Variants in WWOX observed in about 807,000 individuals in gnomAD.
WWOX encodes the protein WW domain containing oxidoreductase.
Under a neutral mutation model 46.2 loss-of-function variants are expected in WWOX, and 69 were observed. The ratio of observed to expected loss-of-function variants is 1.49; its 90% CI spans 1.23 to 1.82. The LOEUF (loss-of-function observed/expected upper bound fraction) is 1.82, where lower values mean the gene tolerates loss of function less well. WWOX is among the 40% of genes most tolerant of loss of function. The pLI, the probability that WWOX is intolerant of heterozygous loss-of-function variation, is 0.00. For missense variants in WWOX, 919 were observed against 542.6 expected, an observed-to-expected ratio of 1.69 and a Z score of -6.89; for synonymous variants, 359 against 202.6, an observed-to-expected ratio of 1.77 and a Z score of -6.56.
chr16:78,756,378 G>C (rs977707426), intron 8 of WWOX, among the ~76,000 whole-genome samples: 3 of 152,164 alleles, frequency 2.0e-5, no homozygotes, highest in Non-Finnish European at 2.9e-5. Flanking sequence ...AGGCGGTTGA[G>C]ATAGGACAGA....
At chr16:78,317,551 C>T (rs1019990396) in intron 5 of WWOX, among the ~76,000 whole-genome samples, 1 of 152,162 alleles carries the variant, frequency 6.6e-6, no homozygotes, top group African/African-American at 2.4e-5. Context: ...AGAAAAGTAC[C>T]TTACCTCCTT....
In WWOX at chr16:79,017,969, T is replaced by A. The variant is rs1408071173; in HGVS notation, c.1057-193639T>A. 2.0e-5 allele frequency among the ~76,000 whole-genome samples: 3 copies of A among 152,136 alleles called. No individual in the cohort carries two copies. The East Asian group carries it at 5.8e-4, about 29-fold the overall frequency. Reference sequence around the variant, plus strand: ...CAGGCGAAATAGAATAAAATACACATTTGCACACCACAGTATCCAAAAAGG... The same window carrying A: ...CAGGCGAAATAGAATAAAATACACAATTGCACACCACAGTATCCAAAAAGG... On this transcript the variant is annotated intron_variant, in intron 8 of 8. Transcript: ENST00000566780.
intron 4 of WWOX, among the ~76,000 whole-genome samples, chr16:78,154,483 ATCTTTTT>A (rs2034528543): frequency 4.3e-5 from 4 of 93,746 alleles, no homozygotes; most frequent in South Asian, 3.6e-4. Flanking sequence ...CCAATCCTTG[ATCTTTTT>A]TTTTTTTTTT....
At chr16:78,353,698 G>T (rs2081227733) in intron 5 of WWOX, among the ~76,000 whole-genome samples, 2 of 152,230 alleles carry the variant, frequency 1.3e-5, no homozygotes, top group Admixed American at 1.3e-4. Flanking sequence ...ACTGCAGTCT[G>T]TGGCTCACCT....
At chr16:78,811,226 G>A (rs1417451780) in intron 8 of WWOX, among the ~76,000 whole-genome samples, 4 of 152,144 alleles carry the variant, frequency 2.6e-5, no homozygotes, top group African/African-American at 9.7e-5. Flanking sequence ...TATACACATG[G>A]TCACTCACAT....
intron 8 of WWOX, among the ~76,000 whole-genome samples, chr16:78,517,535 A>T (rs532075105): frequency 2.0e-5 from 3 of 152,210 alleles, no homozygotes; most frequent in African/African-American, 4.8e-5. Context: ...GTGGGATTCA[A>T]CAGGGGATAC....
At chr16:78,668,836 G>C (rs1246834087) in intron 8 of WWOX, among the ~76,000 whole-genome samples, 2 of 152,190 alleles carry the variant, frequency 1.3e-5, no homozygotes, top group Non-Finnish European at 2.9e-5. Flanking sequence ...GCGTGTCTGA[G>C]TCTTCCTGAT....
intron 8 of WWOX, among the ~76,000 whole-genome samples, chr16:78,844,906 G>T (rs1014663039): frequency 6.6e-6 from 1 of 152,176 alleles, no homozygotes; most frequent in African/African-American, 2.4e-5. Context: ...GCTAGTGGTT[G>T]CTGACTCTCA....
intron 5 of WWOX, among the ~76,000 whole-genome samples, chr16:78,218,970 T>C (rs1486614870): frequency 6.6e-6 from 1 of 152,248 alleles, no homozygotes; most frequent in Non-Finnish European, 1.5e-5. Flanking sequence ...ATCACTTAAA[T>C]TGGTGAAATG....
chr16:78,999,879 A>G lies in WWOX; in HGVS notation c.1057-211729A>G, dbSNP rs866637935. On this transcript the variant is annotated intron_variant, in intron 8 of 8. Coordinates refer to ENST00000566780, the MANE Select transcript of WWOX (RefSeq NM_016373.4). ...ATACATAAAACTTTATAAAAAATTA[A>G]AAAGAGTTACTGTAATGATTATAAA... Among the ~76,000 whole-genome samples, 4 of 152,342 alleles carry G rather than the reference A, an allele frequency of 2.6e-5. No homozygotes were observed. In the South Asian group the frequency reaches 8.3e-4, roughly 32 times the overall value.
chr16:78,353,841 C>A (rs562306006), intron 5 of WWOX, among the ~76,000 whole-genome samples: 23 of 152,302 alleles, frequency 1.5e-4, no homozygotes, highest in East Asian at 5.8e-4. Flanking sequence ...GGGTGGCGTT[C>A]GCTTTACCCT....
chr16:78,365,001 G>A (rs1454102172), intron 5 of WWOX, among the ~76,000 whole-genome samples: 1 of 152,144 alleles, frequency 6.6e-6, no homozygotes, highest in African/African-American at 2.4e-5. Flanking sequence ...AGTATTTTCT[G>A]TGTACTATGG....
At chr16:78,777,523 C>A (rs1361813130) in intron 8 of WWOX, among the ~76,000 whole-genome samples, 6 of 152,100 alleles carry the variant, frequency 3.9e-5, no homozygotes, top group African/African-American at 1.2e-4. Context: ...TGCTAAGAGG[C>A]CCCTGGTCCT....
At position 78,339,839 on chromosome 16, in the gene WWOX, G is replaced by T. The variant is rs1295325757; in HGVS notation, c.517-47021G>T. ...TGCTTCTCTCTTGGGAGTACAATGG[G>T]AGGCATATCATCAACCCCTTGCTGC... On this transcript the variant is annotated intron_variant, in intron 5 of 8. Transcript: ENST00000566780. Among the ~76,000 whole-genome samples the T allele has an allele frequency of 3.4e-5, 4 of 116,758 alleles. No individual in the cohort carries two copies. In the East Asian group the frequency reaches 7.8e-4, roughly 23 times the overall value. 76.6% of individuals were successfully genotyped at this position (116,758 alleles called of 152,430 possible).
chr16:78,862,279 G>C (rs1285640991), intron 8 of WWOX, among the ~76,000 whole-genome samples: 2 of 150,732 alleles, frequency 1.3e-5, no homozygotes, highest in Non-Finnish European at 3.0e-5. Flanking sequence ...CACACCTATG[G>C]GTGTGTCTTT....
intron 8 of WWOX, among the ~76,000 whole-genome samples, chr16:78,856,200 T>G (rs542028633): frequency 2.0e-5 from 3 of 152,240 alleles, no homozygotes; most frequent in African/African-American, 7.2e-5. Context: ...CAGAACAGAA[T>G]GACAGAGGAA....
intron 8 of WWOX, among the ~76,000 whole-genome samples, chr16:78,555,110 CT>C (rs1163339987): frequency 1.4e-5 from 2 of 144,144 alleles, no homozygotes; most frequent in African/African-American, 5.2e-5. Flanking sequence ...CTCTTTGTCT[CT>C]ATCTCTCTTT....
At position 78,938,283 on chromosome 16, in the gene WWOX, C is replaced by T. The variant is rs12051428; in HGVS notation, c.1057-273325C>T. On this transcript the variant is annotated intron_variant, in intron 8 of 8. Transcript: ENST00000566780. ...AGACAGGAAGTAGATCAGTGTTGCC[C>T]AGACCCTACCTTTTCCAACTAGGGT... Among the ~76,000 whole-genome samples the T allele has an allele frequency of 0.012, 1,810 of 152,280 alleles. 188 individuals are homozygous for T. The East Asian group carries it at 0.25, about 21-fold the overall frequency.
At chr16:78,502,247 T>C (rs1312811376) in intron 8 of WWOX, among the ~76,000 whole-genome samples, 1 of 152,198 alleles carries the variant, frequency 6.6e-6, no homozygotes, top group Non-Finnish European at 1.5e-5. Flanking sequence ...TCAATGGCTT[T>C]TAGTGTATTC....
Sources: allele counts gnomAD v4.1 joint callset (sites outside exome capture counted in the v4.1 genomes callset), GRCh38; gene constraint gnomAD v4.1.1; transcripts MANE v1.5; gene names NCBI Gene and HGNC (gene_info 2026-07-23, HGNC 2026-07-21).